The following PTPN2 variants were observed in gnomAD, a reference collection of about 807,000 sequenced individuals.
The protein encoded by PTPN2 is tyrosine-protein phosphatase non-receptor type 2.
Under a neutral mutation model 57.3 loss-of-function variants are expected in PTPN2, and 19 were observed. The ratio of observed to expected loss-of-function variants is 0.33; its 90% confidence interval spans 0.23 to 0.49. PTPN2 has a LOEUF of 0.49. Ranked by LOEUF, PTPN2 falls within the 20% of genes least tolerant of loss-of-function variation. The probability of loss-of-function intolerance (pLI) is 0.99; values close to 1 mark genes in which losing one functional copy is unlikely to be tolerated. For missense variants in PTPN2, 358 were observed against 501.1 expected (o/e 0.71, Z 2.73); for synonymous variants, 153 against 164.9 (o/e 0.93, Z 0.55).
chr18:12,873,307 C>T (rs1451299686), intron 1 of PTPN2, among the ~76,000 whole-genome samples: 3 of 149,756 alleles, frequency 2.0e-5, no homozygotes, highest in Non-Finnish European at 3.0e-5. Flanking sequence ...CTCCCTCTCC[C>T]TCTCTTTCCA....
chr18:12,786,593 T>A (rs534801333), intron 9 of PTPN2: 11 of 152,328 alleles, frequency 7.2e-5, no homozygotes, highest in African/African-American at 2.6e-4. Flanking sequence ...AAGTAACAAC[T>A]TTTTAGGAGG....
downstream of PTPN2, chr18:12,792,114 TACAGG>T (rs1447046081): frequency 9.0e-6 from 6 of 669,620 alleles, no homozygotes; most frequent in Non-Finnish European, 1.1e-5. Flanking sequence ...ATTTCAAGGT[TACAGG>T]ACACAGTAAT....
At chr18:12,835,338 C>G (rs1167213492) in intron 3 of PTPN2, among the ~76,000 whole-genome samples, 1 of 144,250 alleles carries the variant, frequency 6.9e-6, no homozygotes, top group Non-Finnish European at 1.5e-5. Flanking sequence ...TTGCTTGAGT[C>G]TGATGCGTTA....
intron 1 of PTPN2, among the ~76,000 whole-genome samples, chr18:12,881,303 GGT>G (rs1459509811): frequency 6.6e-6 from 1 of 152,146 alleles, no homozygotes; most frequent in Non-Finnish European, 1.5e-5. Flanking sequence ...CGGGCATGGT[GGT>G]GTGTGCCTGT....
At position 12,793,914 on chromosome 18, in the gene PTPN2, A is replaced by AT. The variant is rs2041065271; in HGVS notation, c.*363dup. The AT allele has an allele frequency of 9.1e-7, 1 of 1,099,438 alleles. No individual in the cohort carries two copies. Among genetic ancestry groups the AT allele is most frequent in the African/African-American group, 1.6e-5 (1 of 61,222 alleles). 68.1% of individuals were successfully genotyped at this position (1,099,438 alleles called of 1,614,324 possible). On this transcript the variant is annotated 3_prime_UTR_variant, in exon 9 of 9. Coordinates refer to ENST00000309660, the MANE Select transcript of PTPN2 (RefSeq NM_002828.4). ...GATAAAACCACAATATTTATTGCTTATATCAAGTGCAGGTTAAAATCCAGA... is the reference window on the plus strand; with the variant it reads ...GATAAAACCACAATATTTATTGCTTATTATCAAGTGCAGGTTAAAATCCAGA...
intron 4 of PTPN2, among the ~76,000 whole-genome samples, chr18:12,829,499 G>A (rs1246860545): frequency 1.8e-5 from 1 of 56,566 alleles, no homozygotes; most frequent in Non-Finnish European, 3.1e-5. Flanking sequence ...GCGAGACTCT[G>A]TCTCCAAAAA....
At chr18:12,883,780 C>T (rs537980929) in intron 1 of PTPN2, 1 of 293,906 alleles carries the variant, frequency 3.4e-6, no homozygotes, top group Non-Finnish European at 6.4e-6. Context: ...GCTGGTGGCG[C>T]ATCCACGCGC....
Position 12,818,566 on chromosome 18 carries a change from C to G in PTPN2, c.496-1201G>C, listed in dbSNP as rs181436534. 4.5e-4 allele frequency among the ~76,000 whole-genome samples: 68 copies of G among 152,184 alleles called. 1 individual carries two copies. Among genetic ancestry groups the G allele is most frequent in the Non-Finnish European group, 1.2e-4 (8 of 68,016 alleles). ...GCCAATTGCCTTTTGCCCCAAGGAGCACTTCTCTGCTTTATACTCTTCATT... is the reference window on the plus strand; with the variant it reads ...GCCAATTGCCTTTTGCCCCAAGGAGGACTTCTCTGCTTTATACTCTTCATT... On this transcript the variant is annotated intron_variant, in intron 5 of 8. Coordinates refer to ENST00000309660, the MANE Select transcript of PTPN2 (RefSeq NM_002828.4).
chr18:12,832,499 G>A (rs896371246), intron 3 of PTPN2, among the ~76,000 whole-genome samples: 3 of 152,124 alleles, frequency 2.0e-5, no homozygotes, highest in Admixed American at 2.0e-4. Flanking sequence ...ATAAACCAAG[G>A]TTAAGTTGTA....
At chr18:12,804,971 T>C (rs904302960) in intron 7 of PTPN2, among the ~76,000 whole-genome samples, 2 of 152,110 alleles carry the variant, frequency 1.3e-5, no homozygotes, top group African/African-American at 4.8e-5. Context: ...AAATCCTGAA[T>C]GAAATAATAG....
intron 3 of PTPN2, among the ~76,000 whole-genome samples, chr18:12,834,350 T>C (rs1473343884): frequency 6.6e-6 from 1 of 150,782 alleles, no homozygotes; most frequent in Non-Finnish European, 1.5e-5. Flanking sequence ...AAGAAAGTTA[T>C]TTAATGTCTC....
At chr18:12,803,632 T>A in intron 7 of PTPN2, among the ~76,000 whole-genome samples, 1 of 152,084 alleles carries the variant, frequency 6.6e-6, no homozygotes, top group Admixed American at 6.6e-5. Flanking sequence ...TCAAAAATTG[T>A]AAAAAGAAAC....
intron 2 of PTPN2, among the ~76,000 whole-genome samples, chr18:12,857,658 G>A (rs892107219): frequency 6.6e-6 from 1 of 152,076 alleles, no homozygotes; most frequent in Non-Finnish European, 1.5e-5. Context: ...GCAGGGGAAG[G>A]GCACCTAAGT....
chr18:12,880,205 AC>A (rs1288793478), intron 1 of PTPN2, among the ~76,000 whole-genome samples: 1 of 152,180 alleles, frequency 6.6e-6, no homozygotes, highest in Non-Finnish European at 1.5e-5. Context: ...GGCAAAGAGA[AC>A]AACATTTACA....
intron 2 of PTPN2, among the ~76,000 whole-genome samples, chr18:12,858,602 A>C (rs1392137429): frequency 6.6e-6 from 1 of 152,246 alleles, no homozygotes; most frequent in African/African-American, 2.4e-5. Context: ...AAAGAGCTAC[A>C]AATGAGTATG....
intron 7 of PTPN2, among the ~76,000 whole-genome samples, chr18:12,810,181 A>G (rs546254736): frequency 1.2e-4 from 19 of 152,166 alleles, no homozygotes; most frequent in African/African-American, 4.6e-4. Flanking sequence ...ACTCGGTGTC[A>G]TGGAGAAACC....
chr18:12,847,952 C>T (rs1333063705), intron 2 of PTPN2, among the ~76,000 whole-genome samples: 1 of 151,360 alleles, frequency 6.6e-6, no homozygotes, highest in Admixed American at 6.6e-5. Flanking sequence ...ACTAAAGACC[C>T]TAACAGTGAG....
intron 8 of PTPN2, among the ~76,000 whole-genome samples, chr18:12,795,915 G>A (rs537774376): frequency 4.0e-5 from 6 of 150,718 alleles, no homozygotes; most frequent in African/African-American, 7.3e-5. Flanking sequence ...CATACCCCTG[G>A]ACACGTAGCT....
In PTPN2 at chr18:12,793,776, T is replaced by TTAATTAA; in HGVS notation, c.*501_*502insTTAATTA. The TTAATTAA allele has an allele frequency of 1.1e-6, 1 of 937,978 alleles. No homozygotes were observed. Among genetic ancestry groups the TTAATTAA allele is most frequent in the Non-Finnish European group, 1.3e-6 (1 of 785,354 alleles). The allele number at this position is 937,978 out of a possible 1,614,324, so 58.1% of individuals were successfully genotyped here. A position where few individuals can be genotyped will look rare whatever the true frequency, so the allele number is the denominator to read the frequency against. On this transcript the variant is annotated 3_prime_UTR_variant, in exon 9 of 9. Transcript: ENST00000309660. ...AACTACAAAAGATTAAATAGATACT[T>TTAATTAA]ATAAAATATATTTACCCTGAAATGC... is the stretch of plus-strand genomic sequence containing the variant.
Sources: allele counts gnomAD v4.1 joint callset (sites outside exome capture counted in the v4.1 genomes callset), GRCh38; gene constraint gnomAD v4.1.1; transcripts MANE v1.5; gene names NCBI Gene and HGNC (gene_info 2026-07-23, HGNC 2026-07-21).